The following TNKS variants were observed in gnomAD, a reference collection of about 807,000 sequenced individuals.
TNKS encodes the protein poly [ADP-ribose] polymerase tankyrase-1.
Under a neutral mutation model 135.8 loss-of-function variants are expected in TNKS, and 72 were observed. That is an observed-to-expected ratio of 0.53 (90% CI 0.44 to 0.64). The LOEUF is 0.64. Ranked by LOEUF, TNKS falls within the 30% of genes least tolerant of loss-of-function variation. TNKS has a pLI of 0.00. For synonymous variants in TNKS, 849 were observed against 649.3 expected, an observed-to-expected ratio of 1.31 and a Z score of -4.68; for missense variants, 1,769 against 1,674.0, an observed-to-expected ratio of 1.06 and a Z score of -0.99.
intron 1 of TNKS, chr8:9,558,645 C>G (rs1797189442): frequency 6.6e-6 from 1 of 152,094 alleles, no homozygotes; most frequent in African/African-American, 2.4e-5. Context: ...TTCTATTTGC[C>G]ACAATAGTTA....
At chr8:9,577,180 A>ACC (rs1302806664) in intron 1 of TNKS, among the ~76,000 whole-genome samples, 8 of 152,120 alleles carry the variant, frequency 5.3e-5, no homozygotes, top group African/African-American at 1.9e-4. Context: ...ATTTTGGTTG[A>ACC]AAATGAAAAT....
chr8:9,766,213 G>T (rs201216404), intron 24 of TNKS, 26 bp from the exon 25 acceptor site: 4 of 1,579,464 alleles, frequency 2.5e-6, no homozygotes, highest in South Asian at 1.1e-5. Context: ...GTTCAAAAAC[G>T]AATCTTTCTG....
At chr8:9,567,732 T>G (rs992867974) in intron 1 of TNKS, among the ~76,000 whole-genome samples, 1 of 152,226 alleles carries the variant, frequency 6.6e-6, no homozygotes. Flanking sequence ...CGACTTTCTT[T>G]AAAAGACTAT....
At chr8:9,638,799 C>G (rs896033348) in intron 3 of TNKS, among the ~76,000 whole-genome samples, 3 of 152,022 alleles carry the variant, frequency 2.0e-5, no homozygotes, top group African/African-American at 7.3e-5. Flanking sequence ...AGACTGGTAT[C>G]TTATTTATAA....
At chr8:9,754,504 G>A (rs550910210) in intron 20 of TNKS, among the ~76,000 whole-genome samples, 2 of 151,600 alleles carry the variant, frequency 1.3e-5, no homozygotes, top group Non-Finnish European at 2.9e-5. Flanking sequence ...TTTTTTTTCT[G>A]CTTTCTCTCT....
chr8:9,590,889 T>C (rs1020939379), intron 2 of TNKS, among the ~76,000 whole-genome samples: 3 of 152,244 alleles, frequency 2.0e-5, no homozygotes, highest in African/African-American at 7.2e-5. Context: ...CACAGAAGTT[T>C]TACATTTTGG....
In TNKS at chr8:9,733,153, T is replaced by C. The variant is rs112120848; in HGVS notation, c.2148-126T>C. On this transcript the variant is annotated intron_variant, in intron 14 of 26. Transcript: ENST00000310430. ...CTATATCTTAAAGAACAGAGGTGGG[T>C]GTATTTCTTTTTGCGCAGTGTTCAG... The C allele has an allele frequency of 6.7e-5, 45 of 669,622 alleles. 1 individual carries two copies. The highest frequency in any genetic ancestry group is 6.0e-4 in the African/African-American group (32 of 53,316). 41.5% of individuals were successfully genotyped at this position (669,622 alleles called of 1,614,324 possible).
At chr8:9,717,103 T>TATATATATATATATATATATATTTA (rs1554476739) in intron 11 of TNKS, among the ~76,000 whole-genome samples, 35 of 39,292 alleles carry the variant, frequency 8.9e-4, no homozygotes, top group South Asian at 2.5e-3. Context: ...ATATATATAT[T>TATATATATATATATATATATATTTA]TTCAGGGAAT....
intron 17 of TNKS, among the ~76,000 whole-genome samples, chr8:9,740,736 C>T (rs922961501): frequency 6.6e-6 from 1 of 151,548 alleles, no homozygotes; most frequent in African/African-American, 2.4e-5. Flanking sequence ...TTCTCAATTT[C>T]TCTGAGCAAC....
At chr8:9,724,876 T>C (rs1805084555) in intron 12 of TNKS, among the ~76,000 whole-genome samples, 1 of 152,232 alleles carries the variant, frequency 6.6e-6, no homozygotes, top group Admixed American at 6.5e-5. Context: ...TGTGTTCCAA[T>C]TTCAAATAGT....
chr8:9,707,589 A>G (rs1319571645), intron 8 of TNKS, among the ~76,000 whole-genome samples: 1 of 152,216 alleles, frequency 6.6e-6, no homozygotes, highest in African/African-American at 2.4e-5. Context: ...GGTTGAGGTC[A>G]TCTTCTGAAT....
intron 20 of TNKS, among the ~76,000 whole-genome samples, chr8:9,758,212 C>G (rs1394017925): frequency 6.6e-6 from 1 of 152,102 alleles, no homozygotes; most frequent in Non-Finnish European, 1.5e-5. Flanking sequence ...AGCGAGTACA[C>G]AACAAATATT....
chr8:9,649,525 C>T (rs892270854), intron 3 of TNKS, among the ~76,000 whole-genome samples: 2 of 152,040 alleles, frequency 1.3e-5, no homozygotes, highest in East Asian at 1.9e-4. Flanking sequence ...GTTGGTTACA[C>T]GGAAAAGTTC....
intron 3 of TNKS, among the ~76,000 whole-genome samples, chr8:9,664,205 G>A (rs1417931229): frequency 1.3e-5 from 2 of 152,178 alleles, no homozygotes; most frequent in African/African-American, 2.4e-5. Context: ...TCTATGTCTG[G>A]TGAGGGCTTC....
chr8:9,774,405 T>G (rs773027158), intron 26 of TNKS, among the ~76,000 whole-genome samples: 2 of 152,120 alleles, frequency 1.3e-5, no homozygotes, highest in South Asian at 2.1e-4. Context: ...GAATTCAAAT[T>G]TTAGTGTTAG....
At chr8:9,575,123 G>A (rs1341427098) in intron 1 of TNKS, 3 of 962,962 alleles carry the variant, frequency 3.1e-6, no homozygotes, top group Middle Eastern at 5.3e-4. Flanking sequence ...GTCTCGCTCT[G>A]TTGCCCAGGC....
At chr8:9,700,608 C>A (rs1002622325) in intron 5 of TNKS, among the ~76,000 whole-genome samples, 1 of 70,074 alleles carries the variant, frequency 1.4e-5, no homozygotes, top group African/African-American at 4.9e-5. Context: ...CTTACACTCC[C>A]TTCTTTTTTT....
chr8:9,759,968 ACT>A (rs1491380484), intron 20 of TNKS, among the ~76,000 whole-genome samples: 8 of 151,000 alleles, frequency 5.3e-5, no homozygotes, highest in Non-Finnish European at 1.0e-4. Context: ...ACAGAGCGAG[ACT>A]CTGTCTCAAA....
intron 3 of TNKS, among the ~76,000 whole-genome samples, chr8:9,616,113 C>T (rs1463395436): frequency 1.3e-5 from 2 of 152,170 alleles, no homozygotes; most frequent in African/African-American, 2.4e-5. Flanking sequence ...GCTGCCTCTC[C>T]CTTGCCACCC....
Sources: allele counts gnomAD v4.1 joint callset (sites outside exome capture counted in the v4.1 genomes callset), GRCh38; gene constraint gnomAD v4.1.1; transcripts MANE v1.5; gene names NCBI Gene and HGNC (gene_info 2026-07-23, HGNC 2026-07-21).